The following ASAP1 variants were observed in gnomAD, a reference collection of about 807,000 sequenced individuals.
ASAP1 encodes the protein arf-GAP with SH3 domain, ANK repeat and PH domain-containing protein 1.
Under a neutral mutation model 145.2 loss-of-function variants are expected in ASAP1, and 43 were observed. That is an observed-to-expected ratio of 0.30 (90% confidence interval 0.23 to 0.38). The LOEUF is 0.38. Ranked by LOEUF, ASAP1 falls within the 10% of genes least tolerant of loss-of-function variation. ASAP1 has a pLI of 1.00. For synonymous variants in ASAP1, 546 were observed against 515.5 expected (o/e 1.06, Z -0.80); for missense variants, 1,018 against 1,355.3 (o/e 0.75, Z 3.91).
chr8:130,126,176 A>G, intron 16 of ASAP1, 87 bp from the exon 17 acceptor site: 1 of 1,262,270 alleles, frequency 7.9e-7, no homozygotes, highest in Admixed American at 2.5e-5. Context: ...ACAGTAGTAC[A>G]AATTGTTAAG....
At chr8:130,420,691 C>T (rs371090872) in intron 1 of ASAP1, among the ~76,000 whole-genome samples, 3 of 151,876 alleles carry the variant, frequency 2.0e-5, no homozygotes, top group East Asian at 3.9e-4. Context: ...GTCAGGAGTT[C>T]GAGACTAGCC....
intron 6 of ASAP1, among the ~76,000 whole-genome samples, chr8:130,187,520 A>G (rs1363213367): frequency 6.6e-6 from 1 of 151,140 alleles, no homozygotes; most frequent in Non-Finnish European, 1.5e-5. Context: ...GGCTCAATTG[A>G]TCTTCCCACC....
At chr8:130,109,916 C>G (rs1444120419) in intron 24 of ASAP1, among the ~76,000 whole-genome samples, 2 of 152,196 alleles carry the variant, frequency 1.3e-5, no homozygotes, top group Non-Finnish European at 2.9e-5. Context: ...CCATGAAGAA[C>G]ACTCTTGGTT....
At chr8:130,208,540 A>C (rs552144381) in intron 5 of ASAP1, 1 of 152,232 alleles carries the variant, frequency 6.6e-6, no homozygotes, top group Non-Finnish European at 1.5e-5. Context: ...TCACTCTTTT[A>C]GGGAACTTTT....
chr8:130,218,934 T>C (rs902825218), intron 4 of ASAP1, among the ~76,000 whole-genome samples: 4 of 152,112 alleles, frequency 2.6e-5, no homozygotes, highest in African/African-American at 9.7e-5. Flanking sequence ...GTCTCACATA[T>C]ATATGTGTAT....
intron 24 of ASAP1, among the ~76,000 whole-genome samples, chr8:130,107,495 C>CTTT (rs764936248): frequency 2.2e-5 from 3 of 139,398 alleles, no homozygotes; most frequent in Non-Finnish European, 4.6e-5. Context: ...CATAGTCTCT[C>CTTT]TTTTTTTTTT....
chr8:130,215,062 G>C lies in ASAP1; in HGVS notation c.260-361C>G, dbSNP rs1209618146. ...ATTAAAGATGCATGCCACCATGCCC[G>C]GCTAATTTTTTGTATTTTTAGTAGA... On this transcript the variant is annotated intron_variant, in intron 4 of 29. Transcript: ENST00000518721. Among the ~76,000 whole-genome samples, 6 of 151,796 alleles carry C rather than the reference G, an allele frequency of 4.0e-5. No individual in the cohort carries two copies. In the South Asian group the frequency reaches 1.0e-3, roughly 26 times the overall value.
intron 1 of ASAP1, among the ~76,000 whole-genome samples, chr8:130,424,525 T>C (rs1211997862): frequency 6.6e-6 from 1 of 152,216 alleles, no homozygotes; most frequent in Non-Finnish European, 1.5e-5. Flanking sequence ...TTTTTGTTTT[T>C]TTTAAACAAT....
intron 3 of ASAP1, chr8:130,340,775 A>T (rs565444469): frequency 7.6e-5 from 30 of 396,382 alleles, no homozygotes; most frequent in African/African-American, 5.5e-4. Context: ...CTGCAAAGCT[A>T]TTTTAAGGAT....
At chr8:130,069,419 T>G (rs960108861) in intron 27 of ASAP1, 1 of 152,186 alleles carries the variant, frequency 6.6e-6, no homozygotes. Flanking sequence ...GTATTTTATG[T>G]AGAGACAGGG....
chr8:130,206,786 T>C (rs774384606), intron 5 of ASAP1, among the ~76,000 whole-genome samples: 17 of 151,948 alleles, frequency 1.1e-4, no homozygotes, highest in African/African-American at 1.9e-4. Context: ...ATGGTTTTCC[T>C]CTGTCCATTG....
At chr8:130,144,864 T>G (rs2097623693) in intron 13 of ASAP1, among the ~76,000 whole-genome samples, 1 of 152,220 alleles carries the variant, frequency 6.6e-6, no homozygotes, top group Non-Finnish European at 1.5e-5. Context: ...CATTTCCAGT[T>G]GGCAGAATGT....
intron 24 of ASAP1, among the ~76,000 whole-genome samples, chr8:130,095,556 C>A (rs542980255): frequency 6.6e-6 from 1 of 151,146 alleles, no homozygotes; most frequent in East Asian, 1.9e-4. Context: ...CTGCTTCAGT[C>A]TTTCAAAGTG....
chr8:130,305,981 C>CT (rs925560239), intron 3 of ASAP1, among the ~76,000 whole-genome samples: 20 of 152,174 alleles, frequency 1.3e-4, no homozygotes, highest in African/African-American at 4.6e-4. Flanking sequence ...CTCAATGTCC[C>CT]TTACTTACAG....
chr8:130,385,295 G>T (rs188110382), intron 2 of ASAP1, among the ~76,000 whole-genome samples: 20 of 152,102 alleles, frequency 1.3e-4, no homozygotes, highest in African/African-American at 4.8e-4. Context: ...GTGAAACCCC[G>T]TCTCCACTAA....
At chr8:130,064,597 C>G (rs1393075238) in intron 27 of ASAP1, among the ~76,000 whole-genome samples, 1 of 152,158 alleles carries the variant, frequency 6.6e-6, no homozygotes, top group Admixed American at 6.5e-5. Context: ...AAGAAAACTT[C>G]TGTGACCAAA....
intron 13 of ASAP1, among the ~76,000 whole-genome samples, chr8:130,140,585 T>C (rs563612599): frequency 6.6e-6 from 1 of 152,320 alleles, no homozygotes; most frequent in East Asian, 1.9e-4. Context: ...AAGGAATTTA[T>C]ATGGTTTAAG....
intron 3 of ASAP1, among the ~76,000 whole-genome samples, chr8:130,255,939 A>T (rs899656580): frequency 6.6e-6 from 1 of 152,034 alleles, no homozygotes; most frequent in Non-Finnish European, 1.5e-5. Context: ...TGCTCCCAAC[A>T]CCCACTCCTC....
chr8:130,407,886 C>G (rs1236283579), intron 1 of ASAP1, among the ~76,000 whole-genome samples: 1 of 152,222 alleles, frequency 6.6e-6, no homozygotes, highest in African/African-American at 2.4e-5. Flanking sequence ...TCATCTGCAG[C>G]TGGTTACAGC....
Sources: gnomAD v4.1 joint callset for allele counts (sites outside exome capture counted in the v4.1 genomes callset) on GRCh38, gnomAD v4.1.1 for gene constraint, MANE v1.5 for transcripts, NCBI Gene and HGNC (gene_info 2026-07-23, HGNC 2026-07-21) for gene names.